Variants in DLG2 observed in about 807,000 individuals in gnomAD.
DLG2 encodes disks large homolog 2.
DLG2 carries 45 observed loss-of-function variants against 132.5 expected under a neutral mutation model. That is an observed-to-expected ratio of 0.34 (90% CI 0.27 to 0.44). The LOEUF (loss-of-function observed/expected upper bound fraction) is 0.44, where lower values mean the gene tolerates loss of function less well. DLG2 is among the 20% of genes least tolerant of loss of function. The pLI is 1.00. For synonymous variants in DLG2, 424 were observed against 419.6 expected, an observed-to-expected ratio of 1.01 and a Z score of -0.13; for missense variants, 1,045 against 1,196.9, an observed-to-expected ratio of 0.87 and a Z score of 1.87.
At chr11:84,106,051 A>G (rs780116500) in intron 9 of DLG2, among the ~76,000 whole-genome samples, 3 of 152,148 alleles carry the variant, frequency 2.0e-5, no homozygotes, top group Non-Finnish European at 4.4e-5. Flanking sequence ...ATTGGCCATG[A>G]AGATAATAGG....
chr11:85,278,724 A>C (rs548110503), intron 4 of DLG2, among the ~76,000 whole-genome samples: 1 of 152,302 alleles, frequency 6.6e-6, no homozygotes, highest in South Asian at 2.1e-4. Flanking sequence ...CTTATACATT[A>C]CACAAAGCCC....
intron 21 of DLG2, among the ~76,000 whole-genome samples, chr11:83,518,226 G>A (rs868013888): frequency 6.6e-6 from 1 of 152,176 alleles, no homozygotes; most frequent in African/African-American, 2.4e-5. Flanking sequence ...AATGGCGGGA[G>A]CCCCTCCCCC....
At chr11:84,060,472 A>T (rs568958766) in intron 10 of DLG2, among the ~76,000 whole-genome samples, 1 of 152,008 alleles carries the variant, frequency 6.6e-6, no homozygotes, top group African/African-American at 2.4e-5. Context: ...ACCTCAGATA[A>T]TCCTGTTCCT....
chr11:84,844,300 G>A (rs1288226497), intron 6 of DLG2, among the ~76,000 whole-genome samples: 1 of 151,152 alleles, frequency 6.6e-6, no homozygotes, highest in African/African-American at 2.4e-5. Context: ...CAGGGATCTT[G>A]ATACATAAAG....
intron 9 of DLG2, among the ~76,000 whole-genome samples, chr11:84,146,924 A>G (rs1351460766): frequency 6.6e-6 from 1 of 151,990 alleles, no homozygotes; most frequent in Non-Finnish European, 1.5e-5. Context: ...TCTCTGCAGG[A>G]AGGCTCATTA....
At chr11:83,891,335 C>T (rs41512247) in intron 15 of DLG2, among the ~76,000 whole-genome samples, 13,890 of 152,116 alleles carry the variant, frequency 0.091, 802 homozygotes, top group Middle Eastern at 0.19. Context: ...CAGCCAAAAA[C>T]GGGAGCAAGG....
intron 6 of DLG2, among the ~76,000 whole-genome samples, chr11:84,911,129 T>C (rs2092018669): frequency 6.6e-6 from 1 of 152,152 alleles, no homozygotes; most frequent in African/African-American, 2.4e-5. Flanking sequence ...CCACATGTTA[T>C]ATTGTTTATG....
At position 84,400,431 on chromosome 11, in the gene DLG2, A is replaced by G. The variant is rs576678447; in HGVS notation, c.519+134139T>C. ...GAAGTAAACCTAAGACTGGAAGTAA[A>G]GACTGCTGGCTCAAATCTAGTTCTC... On this transcript the variant is annotated intron_variant, in intron 7 of 27. Coordinates refer to ENST00000376104, the MANE Select transcript of DLG2 (RefSeq NM_001142699.3). Among the ~76,000 whole-genome samples the G allele has an allele frequency of 5.9e-4, 90 of 152,202 alleles. 1 individual carries two copies. Among genetic ancestry groups the G allele is most frequent in the Non-Finnish European group, 1.1e-3 (72 of 68,034 alleles).
At chr11:84,332,823 A>G (rs1393397044) in intron 7 of DLG2, among the ~76,000 whole-genome samples, 1 of 152,180 alleles carries the variant, frequency 6.6e-6, no homozygotes, top group Non-Finnish European at 1.5e-5. Context: ...GAGGACCTTG[A>G]TGCAATGCCC....
At chr11:84,817,702 T>C (rs1401764598) in intron 6 of DLG2, among the ~76,000 whole-genome samples, 1 of 152,022 alleles carries the variant, frequency 6.6e-6, no homozygotes, top group African/African-American at 2.4e-5. Flanking sequence ...GGTATAACAA[T>C]GGTTTCAACT....
chr11:84,638,580 A>G (rs1376443186), intron 6 of DLG2, among the ~76,000 whole-genome samples: 1 of 152,228 alleles, frequency 6.6e-6, no homozygotes, highest in Non-Finnish European at 1.5e-5. Context: ...TACATACTTT[A>G]TCCATTATAA....
At chr11:84,043,860 T>G (rs973731364) in intron 11 of DLG2, among the ~76,000 whole-genome samples, 3 of 151,708 alleles carry the variant, frequency 2.0e-5, no homozygotes, top group Non-Finnish European at 4.4e-5. Flanking sequence ...CTTCAATCTT[T>G]CTTTTCACCC....
chr11:84,866,512 T>G (rs2084591971), intron 6 of DLG2, among the ~76,000 whole-genome samples: 2 of 152,184 alleles, frequency 1.3e-5, no homozygotes. Flanking sequence ...GAAATCCCTC[T>G]CAATCTGCAG....
At chr11:84,643,978 T>A (rs1393763423) in intron 6 of DLG2, among the ~76,000 whole-genome samples, 1 of 152,120 alleles carries the variant, frequency 6.6e-6, no homozygotes, top group East Asian at 1.9e-4. Context: ...TACTGATGAG[T>A]AAAGAAGTTC....
intron 6 of DLG2, among the ~76,000 whole-genome samples, chr11:84,607,045 G>A (rs1388539313): frequency 6.6e-6 from 1 of 151,922 alleles, no homozygotes; most frequent in Non-Finnish European, 1.5e-5. Flanking sequence ...CAAGAGCAGG[G>A]GGCCATAGAG....
At chr11:83,882,031 A>G (rs113771808) in intron 15 of DLG2, among the ~76,000 whole-genome samples, 9,464 of 152,198 alleles carry the variant, frequency 0.062, 375 homozygotes, top group East Asian at 0.17. Flanking sequence ...ATTCTTACCT[A>G]CATTTAAAGA....
At chr11:85,124,079 G>A (rs1312516362) in intron 5 of DLG2, among the ~76,000 whole-genome samples, 1 of 152,214 alleles carries the variant, frequency 6.6e-6, no homozygotes, top group Non-Finnish European at 1.5e-5. Context: ...AAATGAGAGA[G>A]AAAGAGGAGA....
At chr11:85,302,532 T>C (rs535935737) in intron 3 of DLG2, among the ~76,000 whole-genome samples, 8 of 151,912 alleles carry the variant, frequency 5.3e-5, no homozygotes, top group Non-Finnish European at 8.8e-5. Flanking sequence ...GCACCTGACC[T>C]GAGACTAGTC....
At chr11:84,773,085 C>T (rs11522736) in intron 6 of DLG2, among the ~76,000 whole-genome samples, 1 of 151,760 alleles carries the variant, frequency 6.6e-6, no homozygotes, top group Non-Finnish European at 1.5e-5. Context: ...AAATAAGAAA[C>T]TAAAAAAGTG....
Sources: gnomAD v4.1 joint callset for allele counts (sites outside exome capture counted in the v4.1 genomes callset) on GRCh38, gnomAD v4.1.1 for gene constraint, MANE v1.5 for transcripts, NCBI Gene and HGNC (gene_info 2026-07-23, HGNC 2026-07-21) for gene names.